JAK1: variants seen among roughly 807,000 people sequenced by gnomAD.
The protein encoded by JAK1 is tyrosine-protein kinase JAK1.
Under a neutral mutation model 136.6 loss-of-function variants are expected in JAK1, and 16 were observed. The ratio of observed to expected loss-of-function variants is 0.12; its 90% CI spans 0.08 to 0.18. The LOEUF (loss-of-function observed/expected upper bound fraction) is 0.18, where lower values mean the gene tolerates loss of function less well. Ranked by LOEUF, JAK1 falls within the 10% of genes least tolerant of loss-of-function variation. The pLI is 1.00. For synonymous variants in JAK1, 492 were observed against 519.5 expected (o/e 0.95, Z 0.72); for missense variants, 859 against 1,450.1 (o/e 0.59, Z 6.62).
rs1030561881 is a variant in JAK1, at chr1:65,051,986, C to G, written c.-180-7404G>C. ...TTATTTGTTTATTAAGAGACAGGGT[C>G]TGGCTGTTACCCAGGCTGGAGTGCA... On this transcript the variant is annotated intron_variant, in intron 1 of 25. Transcript: ENST00000671954. Among the ~76,000 whole-genome samples, 48 of 152,282 alleles carry G rather than the reference C, an allele frequency of 3.2e-4. 1 individual carries two copies. The highest frequency in any genetic ancestry group is 6.8e-3 in the Middle Eastern group (2 of 294).
At chr1:64,877,679 C>T (rs1052098066) in intron 4 of JAK1, among the ~76,000 whole-genome samples, 1 of 152,102 alleles carries the variant, frequency 6.6e-6, no homozygotes, top group African/African-American at 2.4e-5. Context: ...CTAAAAGCTA[C>T]CATTCTAGAC....
intron 2 of JAK1, chr1:64,985,996 C>T: frequency 1.5e-6 from 2 of 1,325,516 alleles, no homozygotes; most frequent in Non-Finnish European, 2.1e-6. Flanking sequence ...ATCTCAGGAG[C>T]ATTGATGACC....
At chr1:64,993,102 A>G (rs2100729195) in intron 2 of JAK1, 1 of 152,292 alleles carries the variant, frequency 6.6e-6, no homozygotes, top group East Asian at 1.9e-4. Flanking sequence ...GCAGAACATA[A>G]TCTCTTCTTG....
chr1:64,869,486 G>A lies in JAK1; in HGVS notation c.484-12C>T, dbSNP rs1026646973. The stretch of plus-strand genomic sequence containing the variant: ...AAATCATACTGTCCCTAGGAGCAAG[G>A]GGGAGAAACCATGAGAGCCCACCCG... On this transcript the variant is annotated splice_polypyrimidine_tract_variant and intron_variant, in intron 5 of 24. Coordinates refer to ENST00000342505, the MANE Select transcript of JAK1 (RefSeq NM_002227.4). 5.0e-6 allele frequency: 8 copies of A among 1,612,094 alleles called. No homozygotes were observed. In the African/African-American group the frequency reaches 9.4e-5, roughly 19 times the overall value.
At chr1:64,851,592 C>T (rs1655600145) in intron 11 of JAK1, among the ~76,000 whole-genome samples, 1 of 152,104 alleles carries the variant, frequency 6.6e-6, no homozygotes, top group Admixed American at 6.5e-5. Context: ...GTAGACTATC[C>T]CCCAGATTCT....
intron 1 of JAK1, among the ~76,000 whole-genome samples, chr1:64,940,255 T>G (rs1007576389): frequency 2.6e-5 from 4 of 152,042 alleles, no homozygotes; most frequent in African/African-American, 7.2e-5. Context: ...TCAACAGACC[T>G]GCAGGGAATC....
chr1:64,836,142 G>A lies in JAK1; in HGVS notation c.3214C>T (p.His1072Tyr), dbSNP rs1654466498. Residue 1072 changes from histidine to tyrosine, a missense_variant, in exon 23 of 25, where the codon CAT (histidine) becomes TAT (tyrosine). His to Tyr is a moderately conservative substitution (Grantham distance 83, BLOSUM62 2). Around this residue, in one of 4 missense-constraint regions of JAK1, gnomAD observed 44 missense variants for 137.6 expected, o/e 0.32. Transcript: ENST00000342505. ...GAATCACAGTAAGTCAGCAGCTCAT[G>A]CAGAGTGACTCCAAAAGACCAGACG... The part of the protein sequence containing the change: ...SDVWSFGVTL[H>Y]ELLTYCDSDS... 1 of 1,612,636 alleles carries A rather than the reference G, an allele frequency of 6.2e-7. No individual in the cohort carries two copies. The highest frequency in any genetic ancestry group is 1.1e-5 in the South Asian group (1 of 91,042).
At chr1:64,955,124 G>A (rs1646160183) in intron 1 of JAK1, among the ~76,000 whole-genome samples, 1 of 152,200 alleles carries the variant, frequency 6.6e-6, no homozygotes, top group Non-Finnish European at 1.5e-5. Flanking sequence ...TGTACAATTT[G>A]AGCAAGTGTA....
At chr1:64,934,188 G>A (rs1191148796) in intron 1 of JAK1, among the ~76,000 whole-genome samples, 1 of 152,224 alleles carries the variant, frequency 6.6e-6, no homozygotes, top group African/African-American at 2.4e-5. Context: ...GGGATCAGTG[G>A]AAAAGAGTTT....
chr1:64,852,163 T>G (rs1655641981), intron 11 of JAK1, among the ~76,000 whole-genome samples: 1 of 152,260 alleles, frequency 6.6e-6, no homozygotes, highest in Non-Finnish European at 1.5e-5. Context: ...CTATGAGCAT[T>G]ATACACATTA....
At chr1:64,860,318 GCTGA>G in intron 8 of JAK1, 56 bp from the exon 9 acceptor site, 1 of 1,490,528 alleles carries the variant, frequency 6.7e-7, no homozygotes, top group Non-Finnish European at 9.1e-7. Context: ...AGCTTAAGTG[GCTGA>G]CTCTGTAGGG....
chr1:65,064,375 A>G (rs1647951878), intron 1 of JAK1, among the ~76,000 whole-genome samples: 1 of 152,206 alleles, frequency 6.6e-6, no homozygotes, highest in Non-Finnish European at 1.5e-5. Context: ...AACCAGAGTA[A>G]AAGATGTTAC....
intron 13 of JAK1, among the ~76,000 whole-genome samples, chr1:64,847,080 A>G (rs551292135): frequency 1.3e-5 from 2 of 152,372 alleles, no homozygotes; most frequent in South Asian, 4.1e-4. Context: ...CTATGCTGGA[A>G]CAAAGGGGAA....
At chr1:64,992,613 G>T in intron 2 of JAK1, 1 of 152,172 alleles carries the variant, frequency 6.6e-6, no homozygotes, top group Non-Finnish European at 1.5e-5. Context: ...ATTTAGGCCA[G>T]GCGCGGTGGC....
At chr1:65,000,220 C>T (rs772137398) in intron 2 of JAK1, among the ~76,000 whole-genome samples, 10 of 152,048 alleles carry the variant, frequency 6.6e-5, no homozygotes, top group Non-Finnish European at 1.2e-4. Context: ...ATCTTCTGAC[C>T]TCATGATCCG....
intron 13 of JAK1, 53 bp from the exon 14 acceptor site, chr1:64,846,789 TC>T: frequency 7.1e-7 from 1 of 1,404,416 alleles, no homozygotes; most frequent in Non-Finnish European, 1.0e-6. Flanking sequence ...AGGGGGCTGC[TC>T]CCCAGGGGCT....
intron 12 of JAK1, 66 bp downstream of exon 12, chr1:64,850,737 TC>T: frequency 9.6e-7 from 1 of 1,043,554 alleles, no homozygotes; most frequent in Non-Finnish European, 1.5e-6. Flanking sequence ...TTCCCCCAGA[TC>T]CCCAAGCTGC....
At chr1:64,855,420 T>C (rs781779086) in intron 11 of JAK1, 89 bp downstream of exon 11, 14 of 1,243,970 alleles carry the variant, frequency 1.1e-5, no homozygotes, top group South Asian at 4.5e-5. Context: ...GGGTCCACTT[T>C]GTTTAAGTCA....
chr1:64,953,404 A>C (rs1374280411), intron 1 of JAK1, among the ~76,000 whole-genome samples: 2 of 152,160 alleles, frequency 1.3e-5, no homozygotes, highest in Non-Finnish European at 2.9e-5. Context: ...ACAGCCTCAC[A>C]TCGGCTCGTC....
Sources: allele counts gnomAD v4.1 joint callset (sites outside exome capture counted in the v4.1 genomes callset), GRCh38; gene constraint gnomAD v4.1.1; regional missense constraint gnomAD v4.1.1; transcripts MANE v1.5; gene names NCBI Gene and HGNC (gene_info 2026-07-23, HGNC 2026-07-21).